FOXN3: variants seen among roughly 807,000 people sequenced by gnomAD.
The protein encoded by FOXN3 is forkhead box N3, also known as forkhead box protein N3.
In FOXN3, 7 loss-of-function variants were observed where a neutral mutation model predicts 38.4. The observed-to-expected ratio is 0.18, with a 90% CI of 0.10 to 0.34. The LOEUF (loss-of-function observed/expected upper bound fraction) is 0.34, where lower values mean the gene tolerates loss of function less well. Ranked by LOEUF, FOXN3 falls within the 10% of genes least tolerant of loss-of-function variation. FOXN3 has a pLI of 1.00. For missense variants in FOXN3, 456 were observed against 613.4 expected (o/e 0.74, Z 2.71); for synonymous variants, 230 against 242.2 (o/e 0.95, Z 0.47).
intron 1 of FOXN3, among the ~76,000 whole-genome samples, chr14:89,538,206 C>T (rs904773101): frequency 6.6e-6 from 1 of 152,168 alleles, no homozygotes; most frequent in African/African-American, 2.4e-5. Flanking sequence ...GCTCAAAACG[C>T]AGTTCATTCA....
intron 1 of FOXN3, among the ~76,000 whole-genome samples, chr14:89,480,790 A>C (rs1416644304): frequency 6.6e-6 from 1 of 152,224 alleles, no homozygotes; most frequent in Non-Finnish European, 1.5e-5. Flanking sequence ...TTTATGAGAC[A>C]GGATTAGAAA....
chr14:89,506,349 C>A (rs1287312791), intron 1 of FOXN3, among the ~76,000 whole-genome samples: 26 of 137,342 alleles, frequency 1.9e-4, no homozygotes, highest in African/African-American at 4.8e-4. Context: ...CCCGCCCGGC[C>A]AGCCGCCCCG....
Position 89,201,660 on chromosome 14 carries a change from A to G in FOXN3, c.746-20854T>C, listed in dbSNP as rs527889039. Among the ~76,000 whole-genome samples the G allele has an allele frequency of 1.2e-4, 19 of 152,308 alleles. No homozygotes were observed. In the East Asian group the frequency reaches 3.7e-3, roughly 29 times the overall value. On this transcript the variant is annotated intron_variant, in intron 4 of 5. Coordinates refer to ENST00000557258, the MANE Select transcript of FOXN3 (RefSeq NM_005197.4). ...ATGCTCAGAGTATAGGGGCCTGGGC[A>G]CGGCCAGCCAGGGACCACCAGTGCA... is the stretch of plus-strand genomic sequence containing the variant.
chr14:89,250,350 A>G (rs934062494), intron 4 of FOXN3, among the ~76,000 whole-genome samples: 2 of 152,212 alleles, frequency 1.3e-5, no homozygotes, highest in Non-Finnish European at 2.9e-5. Flanking sequence ...AGCTCAAGCA[A>G]TTATCCTGCC....
intron 1 of FOXN3, among the ~76,000 whole-genome samples, chr14:89,433,287 A>G (rs1052932244): frequency 2.4e-4 from 36 of 152,174 alleles, no homozygotes; most frequent in African/African-American, 7.7e-4. Context: ...TTCAAGACCA[A>G]CCTGGCCAAT....
intron 1 of FOXN3, among the ~76,000 whole-genome samples, chr14:89,618,741 T>C (rs1439799575): frequency 6.6e-6 from 1 of 151,960 alleles, no homozygotes; most frequent in Non-Finnish European, 1.5e-5. Flanking sequence ...TAAAAAAAAT[T>C]TTAAAAAGCG....
At position 89,350,758 on chromosome 14, in the gene FOXN3, A is replaced by G. The variant is rs1411207345; in HGVS notation, c.594T>C (p.Asn198=). Reference sequence around the variant, plus strand: ...GTGTCTTTTTCAAAGCCTGAATTAGATTTTGTCTATACTCTGGGTCTATGC... The same window carrying G: ...GTGTCTTTTTCAAAGCCTGAATTAGGTTTTGTCTATACTCTGGGTCTATGC... The part of the protein sequence containing the change: ...LWCIDPEYRQ[N]LIQALKKTPY... Residue 198 remains asparagine, a synonymous_variant, in exon 3 of 6, where the codon AAT becomes AAC. Transcript: ENST00000557258. 1.2e-6 allele frequency: 2 copies of G among 1,604,612 alleles called. No homozygotes were observed. The highest frequency in any genetic ancestry group is 4.5e-5 in the East Asian group (2 of 43,986).
chr14:89,163,370 G>C lies in FOXN3; in HGVS notation c.852-401C>G, dbSNP rs1723493989. Among the ~76,000 whole-genome samples the C allele has an allele frequency of 6.6e-6, 1 of 152,170 alleles. No homozygotes were observed. The highest frequency in any genetic ancestry group is 2.1e-4 in the South Asian group (1 of 4,826). On this transcript the variant is annotated intron_variant, in intron 5 of 5. Coordinates refer to ENST00000557258, the MANE Select transcript of FOXN3 (RefSeq NM_005197.4). The surrounding 1 kb of genome is among the most constrained non-coding windows in gnomAD (Gnocchi z 4.3). Reference sequence around the variant, plus strand: ...TTGGCTGGGTACTTCAGAGAAAAAAGCCTGCTCTCGTCTGAAGCGGCTACA... The same window carrying C: ...TTGGCTGGGTACTTCAGAGAAAAAACCCTGCTCTCGTCTGAAGCGGCTACA...
At chr14:89,465,955 A>G (rs772451964) in intron 1 of FOXN3, among the ~76,000 whole-genome samples, 2 of 152,236 alleles carry the variant, frequency 1.3e-5, no homozygotes, top group African/African-American at 2.4e-5. Context: ...ACAGAATATC[A>G]GGGTCATTCC....
chr14:89,171,339 A>T (rs771816464), intron 5 of FOXN3, among the ~76,000 whole-genome samples: 7 of 152,204 alleles, frequency 4.6e-5, no homozygotes, highest in Non-Finnish European at 8.8e-5. Context: ...CTATTTTGCA[A>T]GCAAGTTCCA....
intron 3 of FOXN3, among the ~76,000 whole-genome samples, chr14:89,313,246 A>G (rs1424151722): frequency 6.6e-6 from 1 of 152,200 alleles, no homozygotes. Flanking sequence ...ACACATAGTA[A>G]AAAAAGAGTA....
intron 1 of FOXN3, among the ~76,000 whole-genome samples, chr14:89,448,193 G>T (rs899971954): frequency 6.6e-6 from 1 of 152,128 alleles, no homozygotes; most frequent in Non-Finnish European, 1.5e-5. Context: ...CTTAGAAAAA[G>T]TTGGGTTCTT....
intron 4 of FOXN3, among the ~76,000 whole-genome samples, chr14:89,257,056 G>C (rs1432695910): frequency 6.6e-5 from 10 of 152,202 alleles, no homozygotes; most frequent in Non-Finnish European, 1.5e-4. Context: ...CCATTGTTTA[G>C]CTGGAAAACA....
chr14:89,371,572 G>A (rs1357534284), intron 2 of FOXN3, among the ~76,000 whole-genome samples: 1 of 151,766 alleles, frequency 6.6e-6, no homozygotes, highest in African/African-American at 2.4e-5. Flanking sequence ...TCTATATTAT[G>A]TACGTGTGCT....
At chr14:89,616,887 A>G (rs1391388325) in intron 1 of FOXN3, among the ~76,000 whole-genome samples, 1 of 152,218 alleles carries the variant, frequency 6.6e-6, no homozygotes, top group African/African-American at 2.4e-5. Context: ...CTAGGAGACC[A>G]CATTTTTGGT....
intron 1 of FOXN3, among the ~76,000 whole-genome samples, chr14:89,516,115 A>C (rs1438322410): frequency 6.7e-6 from 1 of 149,664 alleles, no homozygotes; most frequent in Non-Finnish European, 1.5e-5. Flanking sequence ...CATCTTGGGG[A>C]GGCAGCGTAC....
rs185056652 is a variant in FOXN3, at chr14:89,455,116, C to A, written c.-14-42626G>T. 2.7e-3 allele frequency among the ~76,000 whole-genome samples: 416 copies of A among 152,304 alleles called. 1 individual carries two copies. Among genetic ancestry groups the A allele is most frequent in the African/African-American group, 9.7e-3 (405 of 41,560 alleles). The stretch of plus-strand genomic sequence containing the variant: ...TTCGCTCGGGCAGGCTTTCTTCCCG[C>A]ATTCCAGTTTCCTCATCAGTGAGAT... On this transcript the variant is annotated intron_variant, in intron 1 of 6. Transcript: ENST00000345097.
intron 2 of FOXN3, among the ~76,000 whole-genome samples, chr14:89,404,504 C>CAAAAA (rs71130075): frequency 1.3e-4 from 8 of 61,028 alleles, no homozygotes; most frequent in Non-Finnish European, 2.3e-4. Context: ...GACTCTGTCT[C>CAAAAA]AAAAAAAAAA....
At chr14:89,292,485 T>C (rs1025803976) in intron 3 of FOXN3, among the ~76,000 whole-genome samples, 4 of 152,146 alleles carry the variant, frequency 2.6e-5, no homozygotes, top group Non-Finnish European at 4.4e-5. Context: ...GCCAAGGTGA[T>C]AGTGTTAAGA....
Sources: gnomAD v4.1 joint callset for allele counts (sites outside exome capture counted in the v4.1 genomes callset) on GRCh38, gnomAD v4.1.1 for gene constraint, Gnocchi (gnomAD v3.1) non-coding constraint, MANE v1.5 for transcripts, NCBI Gene and HGNC (gene_info 2026-07-23, HGNC 2026-07-21) for gene names.